The following ZZEF1 variants were observed in gnomAD, a reference collection of about 807,000 sequenced individuals.
ZZEF1 encodes zinc finger ZZ-type and EF-hand domain-containing protein 1.
Under a neutral mutation model 342.8 loss-of-function variants are expected in ZZEF1, and 157 were observed. The ratio of observed to expected loss-of-function variants is 0.46; its 90% CI spans 0.40 to 0.52. The LOEUF (loss-of-function observed/expected upper bound fraction) is 0.52, where lower values mean the gene tolerates loss of function less well. Among genes scored for constraint, ZZEF1 ranks in the 20% least tolerant of loss-of-function variants. The pLI is 0.00. For missense variants in ZZEF1, 3,480 were observed against 3,725.6 expected, an observed-to-expected ratio of 0.93 and a Z score of 1.72; for synonymous variants, 1,505 against 1,429.1, an observed-to-expected ratio of 1.05 and a Z score of -1.20.
chr17:4,007,133 T>A (rs1597741401), intron 54 of ZZEF1, among the ~76,000 whole-genome samples, 163 bp from the exon 55 acceptor site: 1 of 151,844 alleles, frequency 6.6e-6, no homozygotes, highest in Non-Finnish European at 1.5e-5. Context: ...AGAAAAAAAA[T>A]GCTATTAAGA....
At chr17:4,097,754 G>A (rs1430724062) in intron 9 of ZZEF1, among the ~76,000 whole-genome samples, 1 of 151,816 alleles carries the variant, frequency 6.6e-6, no homozygotes, top group Non-Finnish European at 1.5e-5. Flanking sequence ...ATTCTCCTTA[G>A]AACTGTTTGT....
At chr17:4,137,407 G>C (rs541849573) in intron 1 of ZZEF1, among the ~76,000 whole-genome samples, 7 of 152,154 alleles carry the variant, frequency 4.6e-5, no homozygotes, top group African/African-American at 1.4e-4. Context: ...TCAGGAGATC[G>C]AGACCATCCT....
In ZZEF1 at chr17:4,036,827, T is replaced by A. The variant is rs1002406559; in HGVS notation, c.6307-2535A>T. Among the ~76,000 whole-genome samples, 616 of 127,388 alleles carry A rather than the reference T, an allele frequency of 4.8e-3. 4 individuals are homozygous for A. The highest frequency in any genetic ancestry group is 0.017 in the African/African-American group (561 of 33,220). 83.6% of individuals were successfully genotyped at this position (127,388 alleles called of 152,430 possible). On this transcript the variant is annotated intron_variant, in intron 39 of 54. Coordinates refer to ENST00000381638, the MANE Select transcript of ZZEF1 (RefSeq NM_015113.4). ...CACACACACACACACACTCTCTCTCTCTCTCTCTCTCTCTCTCCCCGCACC... is the reference window on the plus strand; with the variant it reads ...CACACACACACACACACTCTCTCTCACTCTCTCTCTCTCTCTCCCCGCACC...
At chr17:4,138,422 C>G in intron 1 of ZZEF1, among the ~76,000 whole-genome samples, 1 of 152,140 alleles carries the variant, frequency 6.6e-6, no homozygotes, top group East Asian at 1.9e-4. Context: ...AAAGTTTTCA[C>G]AAAAATCATA....
At chr17:4,011,328 C>T (rs569770561) in intron 52 of ZZEF1, among the ~76,000 whole-genome samples, 31 of 151,728 alleles carry the variant, frequency 2.0e-4, no homozygotes, top group Middle Eastern at 3.4e-3. Context: ...CACTTCAGCT[C>T]GGGAGGTGGA....
rs1289431007 is a variant in ZZEF1, at chr17:4,070,708, A to T, written c.4051T>A (p.Leu1351Ile). The T allele has an allele frequency of 6.2e-7, 1 of 1,613,942 alleles. No individual in the cohort carries two copies. The highest frequency in any genetic ancestry group is 1.1e-5 in the South Asian group (1 of 90,994). ...FAALVYRTPDLYEKLQKYVNS... is the reference protein window; with the variant it reads ...FAALVYRTPDIYEKLQKYVNS... ...CCATATTTTTGCAGCTTCTCATATA[A>T]ATCTGGAGTGCGATACACCAGAGCA... The change falls in exon 26 of 55, where the codon TTA becomes ATA. Residue 1351 changes from leucine to isoleucine, a missense_variant. Transcript: ENST00000381638.
intron 44 of ZZEF1, among the ~76,000 whole-genome samples, chr17:4,021,768 T>C (rs1367226530): frequency 6.6e-6 from 1 of 152,182 alleles, no homozygotes; most frequent in Admixed American, 6.5e-5. Flanking sequence ...GAAAACTACA[T>C]CAGAACCTAG....
chr17:4,068,942 A>C (rs937408186), intron 26 of ZZEF1, among the ~76,000 whole-genome samples: 8 of 152,206 alleles, frequency 5.3e-5, no homozygotes, highest in African/African-American at 1.9e-4. Context: ...CCTTAGACAT[A>C]TAATATCTAT....
Position 4,102,430 on chromosome 17 carries a change from G to A in ZZEF1, c.1574-15C>T. Reference sequence around the variant, plus strand: ...GAGAGGTTTACCTGACCAAAGAAAAGGAAGACCAAGCTGTAAGCTAAAATA... The same window carrying A: ...GAGAGGTTTACCTGACCAAAGAAAAAGAAGACCAAGCTGTAAGCTAAAATA... On this transcript the variant is annotated splice_polypyrimidine_tract_variant and intron_variant, in intron 8 of 54. Coordinates refer to ENST00000381638, the MANE Select transcript of ZZEF1 (RefSeq NM_015113.4). 1 of 1,608,546 alleles carries A rather than the reference G, an allele frequency of 6.2e-7. No individual in the cohort carries two copies. Among genetic ancestry groups the A allele is most frequent in the Non-Finnish European group, 8.5e-7 (1 of 1,175,464 alleles).
chr17:4,114,299 C>A lies in ZZEF1; in HGVS notation c.866G>T (p.Arg289Leu), dbSNP rs1194300320. ...CAAAAAAGTATTATATACCACCCAC[C>A]GAATCCAGTGTGAACAGGCACTGCC... ...SDGSACSHWI[R>L]LKMKPDVVLR... Residue 289 changes from arginine to leucine, a missense_variant and splice_region_variant, in exon 4 of 55, where the codon CGT (arginine) becomes CTT (leucine). Physicochemically the swap from Arg to Leu is moderately radical, Grantham distance 102. Coordinates refer to ENST00000381638, the MANE Select transcript of ZZEF1 (RefSeq NM_015113.4). 1 of 1,580,732 alleles carries A rather than the reference C, an allele frequency of 6.3e-7. No individual in the cohort carries two copies. The highest frequency in any genetic ancestry group is 2.3e-5 in the East Asian group (1 of 43,656).
rs183088585 is a variant in ZZEF1, at chr17:4,074,167, G to T, written c.3668C>A (p.Ala1223Glu). 1.8e-4 allele frequency: 288 copies of T among 1,613,928 alleles called. No individual in the cohort carries two copies. Among genetic ancestry groups the T allele is most frequent in the Non-Finnish European group, 2.2e-4 (262 of 1,179,908 alleles). Reference sequence around the variant, plus strand: ...GCACTTACGGCGCACAGACTTGAGCGCCATGCACTGGGAAGCCAGGCGTCC... The same window carrying T: ...GCACTTACGGCGCACAGACTTGAGCTCCATGCACTGGGAAGCCAGGCGTCC... Reference protein sequence around the residue: ...LMGRLASQCMALKSVRQLGSN... With the variant: ...LMGRLASQCMELKSVRQLGSN... Residue 1223 changes from alanine to glutamate, a missense_variant, in exon 24 of 55, where the codon GCG (alanine) becomes GAG (glutamate). By Grantham distance (107) the Ala-to-Glu change is moderately radical. Coordinates refer to ENST00000381638, the MANE Select transcript of ZZEF1 (RefSeq NM_015113.4).
chr17:4,114,515 A>AG, intron 3 of ZZEF1, 45 bp from the exon 4 acceptor site: 1 of 1,377,828 alleles, frequency 7.3e-7, no homozygotes, highest in African/African-American at 1.5e-5. Context: ...CCTTTCACAA[A>AG]GGGAAAAAAA....
chr17:4,064,199 GAA>G (rs35217401), intron 29 of ZZEF1, among the ~76,000 whole-genome samples, 160 bp downstream of exon 29: 5 of 139,166 alleles, frequency 3.6e-5, no homozygotes, highest in East Asian at 2.1e-4. Flanking sequence ...CTTCTTTAAA[GAA>G]AAAAAAAAAA....
chr17:4,108,050 A>G (rs568731230), intron 6 of ZZEF1, among the ~76,000 whole-genome samples: 45 of 152,352 alleles, frequency 3.0e-4, no homozygotes, highest in African/African-American at 1.1e-3. Context: ...AGTGCATAAA[A>G]GAGGAATCCA....
At position 4,008,975 on chromosome 17, in the gene ZZEF1, CTG is replaced by C; in HGVS notation, c.8734-23_8734-22del. The C allele has an allele frequency of 6.5e-7, 1 of 1,538,312 alleles. No homozygotes were observed. The highest frequency in any genetic ancestry group is 1.2e-5 in the South Asian group (1 of 84,040). ...AGCTCCTGCAGAGAGAGAGCAGGGG[CTG>C]TGAGTGACAGCGCCAGATGCGCAGT... On this transcript the variant is annotated intron_variant, in intron 53 of 54. Transcript: ENST00000381638. This position sits in a 1 kb window ranked among gnomAD's most constrained non-coding sequence, Gnocchi z 4.2.
chr17:4,083,276 T>A (rs1353712898), intron 16 of ZZEF1, among the ~76,000 whole-genome samples: 1 of 152,224 alleles, frequency 6.6e-6, no homozygotes, highest in Admixed American at 6.5e-5. Flanking sequence ...TGTTTCTACT[T>A]TCTGTGTAGG....
At chr17:4,057,144 C>T (rs1383120146) in intron 32 of ZZEF1, among the ~76,000 whole-genome samples, 3 of 152,172 alleles carry the variant, frequency 2.0e-5, no homozygotes, top group East Asian at 3.9e-4. Flanking sequence ...GTAAAGGGCG[C>T]GCTTCCTTCC....
intron 2 of ZZEF1, among the ~76,000 whole-genome samples, chr17:4,121,437 C>T (rs547375579): frequency 6.6e-6 from 1 of 152,278 alleles, no homozygotes; most frequent in South Asian, 2.1e-4. Context: ...CAGCCTCTGG[C>T]CAATATGGTG....
intron 35 of ZZEF1, 31 bp from the exon 36 acceptor site, chr17:4,051,074 A>C (rs1297454048): frequency 6.2e-7 from 1 of 1,613,792 alleles, no homozygotes; most frequent in African/African-American, 1.3e-5. Flanking sequence ...TAAAGCTTAC[A>C]ACCCTCCAAA....
Sources: allele counts gnomAD v4.1 joint callset (sites outside exome capture counted in the v4.1 genomes callset), GRCh38; gene constraint gnomAD v4.1.1; non-coding constraint Gnocchi (gnomAD v3.1); transcripts MANE v1.5; gene names NCBI Gene and HGNC (gene_info 2026-07-23, HGNC 2026-07-21).